The following GALNT7 variants were observed in gnomAD, a reference collection of about 807,000 sequenced individuals.
The protein encoded by GALNT7 is N-acetylgalactosaminyltransferase 7.
Under a neutral mutation model 82.1 loss-of-function variants are expected in GALNT7, and 60 were observed. The observed-to-expected ratio is 0.73, with a 90% confidence interval of 0.59 to 0.91. The LOEUF is 0.91. GALNT7 is among the 40% of genes least tolerant of loss of function. The probability of loss-of-function intolerance (pLI) is 0.00; values close to 1 mark genes in which losing one functional copy is unlikely to be tolerated. For missense variants in GALNT7, 660 were observed against 804.2 expected, an observed-to-expected ratio of 0.82 and a Z score of 2.17; for synonymous variants, 243 against 275.1, an observed-to-expected ratio of 0.88 and a Z score of 1.15.
At chr4:173,274,184 T>C (rs1349456760) in intron 2 of GALNT7, among the ~76,000 whole-genome samples, 1 of 152,192 alleles carries the variant, frequency 6.6e-6, no homozygotes, top group African/African-American at 2.4e-5. Context: ...TAAATTGTGG[T>C]TTGAGATTTC....
At chr4:173,184,000 G>A (rs1352733487) in intron 1 of GALNT7, among the ~76,000 whole-genome samples, 4 of 151,736 alleles carry the variant, frequency 2.6e-5, no homozygotes, top group African/African-American at 4.8e-5. Flanking sequence ...CATCTCAGAC[G>A]GGTCGGTGGG....
chr4:173,254,383 A>G (rs1734950796), intron 2 of GALNT7, among the ~76,000 whole-genome samples: 1 of 152,156 alleles, frequency 6.6e-6, no homozygotes, highest in South Asian at 2.1e-4. Context: ...GTTCTCTTTG[A>G]TATCTACCAA....
chr4:173,202,449 C>T (rs569518176), intron 1 of GALNT7, among the ~76,000 whole-genome samples: 4 of 152,248 alleles, frequency 2.6e-5, no homozygotes, highest in East Asian at 3.9e-4. Context: ...GAGAAATCAC[C>T]GAAATGGGGA....
intron 1 of GALNT7, among the ~76,000 whole-genome samples, chr4:173,173,480 C>G (rs553146989): frequency 6.6e-6 from 1 of 152,174 alleles, no homozygotes; most frequent in African/African-American, 2.4e-5. Flanking sequence ...CAGTCCCCCA[C>G]CTTTTTAGCA....
chr4:173,221,453 A>G (rs927759846), intron 1 of GALNT7, among the ~76,000 whole-genome samples: 3 of 152,250 alleles, frequency 2.0e-5, no homozygotes, highest in African/African-American at 7.2e-5. Context: ...TTTTTCAAAT[A>G]GAGTAGAGCT....
intron 1 of GALNT7, among the ~76,000 whole-genome samples, chr4:173,220,929 C>A (rs1204630735): frequency 6.6e-6 from 1 of 151,886 alleles, no homozygotes; most frequent in Non-Finnish European, 1.5e-5. Flanking sequence ...GGTTCCAAGT[C>A]TTTGCTATTG....
At chr4:173,268,285 C>T (rs905940740) in intron 2 of GALNT7, 6 of 152,370 alleles carry the variant, frequency 3.9e-5, no homozygotes, top group East Asian at 1.9e-4. Context: ...TTACCTATAA[C>T]GTTGATGGGT....
At chr4:173,217,990 T>C (rs1179186291) in intron 1 of GALNT7, among the ~76,000 whole-genome samples, 1 of 152,236 alleles carries the variant, frequency 6.6e-6, no homozygotes, top group Non-Finnish European at 1.5e-5. Context: ...CAGAGAGTTC[T>C]CTGATTAAAC....
rs574120138 is a variant in GALNT7 at position 173,241,206 on chromosome 4, A to AT, written c.127-6771dup. Among the ~76,000 whole-genome samples the AT allele has an allele frequency of 3.3e-3, 367 of 111,126 alleles. 2 individuals are homozygous for AT. The highest frequency in any genetic ancestry group is 9.1e-3 in the African/African-American group (256 of 28,136). 72.9% of individuals were successfully genotyped at this position (111,126 alleles called of 152,430 possible). The stretch of plus-strand genomic sequence containing the variant: ...GGCAACAAAGTGAGACCCCATCTCT[A>AT]TTTAAAAAAAAAAAAAAAAGAAAGA... On this transcript the variant is annotated intron_variant, in intron 1 of 11. Transcript: ENST00000265000.
chr4:173,306,472 T>G lies in GALNT7; in HGVS notation c.1389+2354T>G, dbSNP rs560221779. Reference sequence around the variant, plus strand: ...ATTGTAGAGGAAGAGCTTTCAACTTTTCATCATTGAGTATAATGTTTGCTG... The same window carrying G: ...ATTGTAGAGGAAGAGCTTTCAACTTGTCATCATTGAGTATAATGTTTGCTG... On this transcript the variant is annotated intron_variant, in intron 8 of 11. Coordinates refer to ENST00000265000, the MANE Select transcript of GALNT7 (RefSeq NM_017423.3). Among the ~76,000 whole-genome samples the G allele has an allele frequency of 1.1e-3, 162 of 152,340 alleles. 1 individual carries two copies. Among genetic ancestry groups the G allele is most frequent in the Middle Eastern group, 3.4e-3 (1 of 294 alleles).
At chr4:173,261,552 C>T (rs1189512311) in intron 2 of GALNT7, among the ~76,000 whole-genome samples, 1 of 152,216 alleles carries the variant, frequency 6.6e-6, no homozygotes, top group Admixed American at 6.5e-5. Context: ...CATGGCAGCT[C>T]ACGCCTGTAA....
At position 173,286,679 on chromosome 4, in the gene GALNT7, C is replaced by T. The variant is rs531129871; in HGVS notation, c.588-5429C>T. ...AAGGCTTGCTTTAGTTGGTTAAAGG[C>T]AGGTTCCCAAGTTAGTGAGTGAGTT... On this transcript the variant is annotated intron_variant, in intron 2 of 11. Transcript: ENST00000265000. 2.0e-5 allele frequency among the ~76,000 whole-genome samples: 3 copies of T among 152,306 alleles called. No homozygotes were observed. The South Asian group carries it at 6.2e-4, about 32-fold the overall frequency.
At chr4:173,318,975 G>A (rs1177370992) in intron 11 of GALNT7, among the ~76,000 whole-genome samples, 1 of 151,980 alleles carries the variant, frequency 6.6e-6, no homozygotes, top group Admixed American at 6.6e-5. Context: ...TTGTCCAGCA[G>A]GTGGAGATAG....
intron 9 of GALNT7, 84 bp downstream of exon 9, chr4:173,314,260 A>G: frequency 2.1e-6 from 2 of 942,614 alleles, no homozygotes; most frequent in South Asian, 1.4e-5. Context: ...GTAAGAGGGA[A>G]GTATTCTTGG....
rs70944437 is a variant in GALNT7 at position 173,178,007 on chromosome 4, CTGTGTGTGTGTGTGTGTG to C, written c.126+9075_126+9092del. 3.2e-4 allele frequency among the ~76,000 whole-genome samples: 44 copies of C among 137,774 alleles called. 1 individual carries two copies. Among genetic ancestry groups the C allele is most frequent in the South Asian group, 9.6e-4 (4 of 4,172 alleles). 90.4% of individuals were successfully genotyped at this position (137,774 alleles called of 152,430 possible). A position where few individuals can be genotyped will look rare whatever the true frequency, so the allele number is the denominator to read the frequency against. Reference sequence around the variant, plus strand: ...TTTCCACCTCTCCCTATCCGCAAGTCTGTGTGTGTGTGTGTGTGTGTGTGTGTGTGTGTGTGTGTGTGT... The same window carrying C: ...TTTCCACCTCTCCCTATCCGCAAGTCTGTGTGTGTGTGTGTGTGTGTGTGT... On this transcript the variant is annotated intron_variant, in intron 1 of 11. Transcript: ENST00000265000.
At chr4:173,197,264 T>C (rs1732807433) in intron 1 of GALNT7, among the ~76,000 whole-genome samples, 1 of 152,108 alleles carries the variant, frequency 6.6e-6, no homozygotes, top group Non-Finnish European at 1.5e-5. Flanking sequence ...ATAACTGAAG[T>C]TCTCTAAAAG....
chr4:173,210,995 G>A (rs10001613), intron 1 of GALNT7, among the ~76,000 whole-genome samples: 75,475 of 151,860 alleles, frequency 0.5, 19,091 homozygotes, highest in East Asian at 0.76. Context: ...ATGTATCAGC[G>A]TGTAATCAAT....
chr4:173,248,033 T>TC lies in GALNT7; in HGVS notation c.182dup (p.Gly62TrpfsTer15), dbSNP rs1561171964. 6.2e-7 allele frequency: 1 copy of TC among 1,613,730 alleles called. No homozygotes were observed. The highest frequency in any genetic ancestry group is 8.5e-7 in the Non-Finnish European group (1 of 1,179,758). ...CCAACCGAGGCGGCAATGGACTAGC[T>TC]CCTGGGGAGGACAGATTCAAACCTG... On this transcript the variant is annotated frameshift_variant, in exon 2 of 12. Transcript: ENST00000265000. LOFTEE classifies it high-confidence loss of function.
chr4:173,290,269 AT>A (rs1441320402), intron 2 of GALNT7, among the ~76,000 whole-genome samples: 1 of 152,244 alleles, frequency 6.6e-6, no homozygotes, highest in Non-Finnish European at 1.5e-5. Context: ...TGGAACAGCC[AT>A]ACTATGGAAT....
Sources: gnomAD v4.1 joint callset for allele counts (sites outside exome capture counted in the v4.1 genomes callset) on GRCh38, gnomAD v4.1.1 for gene constraint, MANE v1.5 for transcripts, NCBI Gene and HGNC (gene_info 2026-07-23, HGNC 2026-07-21) for gene names.